Variants in MYO3A observed in about 807,000 individuals in gnomAD.
The protein encoded by MYO3A is myosin-IIIa.
Under a neutral mutation model 192.7 loss-of-function variants are expected in MYO3A, and 180 were observed. The ratio of observed to expected loss-of-function variants is 0.93; its 90% CI spans 0.83 to 1.06. The LOEUF is 1.06. Ranked by LOEUF, MYO3A falls within the 50% of genes least tolerant of loss-of-function variation. The pLI is 0.00. For synonymous variants in MYO3A, 628 were observed against 645.3 expected (o/e 0.97, Z 0.41); for missense variants, 1,896 against 1,905.0 (o/e 1.00, Z 0.09).
intron 26 of MYO3A, among the ~76,000 whole-genome samples, chr10:26,161,929 A>G (rs1841504676): frequency 6.6e-6 from 1 of 152,132 alleles, no homozygotes; most frequent in African/African-American, 2.4e-5. Flanking sequence ...TAGTTGAGGG[A>G]CCCACTGTGT....
chr10:26,201,627 C>T (rs11014995), intron 33 of MYO3A, among the ~76,000 whole-genome samples: 32 of 150,650 alleles, frequency 2.1e-4, no homozygotes, highest in Non-Finnish European at 3.7e-4. Flanking sequence ...CGGAGCTTGC[C>T]GTGAGCCGAG....
intron 20 of MYO3A, among the ~76,000 whole-genome samples, chr10:26,138,880 G>A (rs1030529624): frequency 2.0e-5 from 3 of 152,202 alleles, no homozygotes; most frequent in African/African-American, 4.8e-5. Flanking sequence ...CACACAGAAG[G>A]AAATGGGAAA....
chr10:26,069,544 A>G (rs79427767), intron 12 of MYO3A, among the ~76,000 whole-genome samples: 1,671 of 152,184 alleles, frequency 0.011, 38 homozygotes, highest in African/African-American at 0.038. Context: ...TGTGAAAAGT[A>G]CATATCTCTG....
chr10:25,952,373 G>C, intron 3 of MYO3A, 95 bp downstream of exon 3: 1 of 1,328,594 alleles, frequency 7.5e-7, no homozygotes, highest in East Asian at 2.5e-5. Flanking sequence ...CATCACAATA[G>C]CAGTCTAAAA....
chr10:26,195,826 G>A (rs1054140121), intron 32 of MYO3A, among the ~76,000 whole-genome samples: 1 of 152,044 alleles, frequency 6.6e-6, no homozygotes, highest in Non-Finnish European at 1.5e-5. Flanking sequence ...ATATCCTCCC[G>A]AAGAAGCCCA....
At chr10:26,043,565 C>T (rs60781504) in intron 10 of MYO3A, among the ~76,000 whole-genome samples, 24,723 of 152,132 alleles carry the variant, frequency 0.16, 2,302 homozygotes, top group Non-Finnish European at 0.21. Context: ...CCCCTTTCCA[C>T]AGGCAGAGGA....
chr10:25,971,478 A>G (rs1838641461), intron 4 of MYO3A, among the ~76,000 whole-genome samples: 3 of 147,078 alleles, frequency 2.0e-5, no homozygotes, highest in African/African-American at 7.5e-5. Context: ...TCACTATGTG[A>G]GATCACTTAC....
chr10:26,197,592 C>T (rs1843474780), intron 32 of MYO3A, among the ~76,000 whole-genome samples: 1 of 152,138 alleles, frequency 6.6e-6, no homozygotes, highest in African/African-American at 2.4e-5. Context: ...GAGACAGAGT[C>T]TCACTTTGTT....
chr10:26,007,990 A>C (rs1841350360), intron 6 of MYO3A, among the ~76,000 whole-genome samples: 1 of 151,620 alleles, frequency 6.6e-6, no homozygotes, highest in African/African-American at 2.4e-5. Flanking sequence ...CTATACTACA[A>C]GGCTACAGTA....
intron 4 of MYO3A, among the ~76,000 whole-genome samples, chr10:25,962,097 A>G (rs1837968989): frequency 1.3e-5 from 2 of 152,172 alleles, no homozygotes; most frequent in Admixed American, 1.3e-4. Context: ...GCTTTTCACA[A>G]CGAAAAATCA....
intron 14 of MYO3A, among the ~76,000 whole-genome samples, chr10:26,076,944 G>T (rs144279211): frequency 1.3e-5 from 2 of 151,942 alleles, no homozygotes; most frequent in Non-Finnish European, 2.9e-5. Flanking sequence ...CTCAAGATTC[G>T]TTCCTTTTGC....
In MYO3A at chr10:26,124,868, T is replaced by TGTACATGAATGTCAAGTATAA. The variant is rs936548556; in HGVS notation, c.1904-513_1904-493dup. Among the ~76,000 whole-genome samples, 8 of 152,350 alleles carry TGTACATGAATGTCAAGTATAA rather than the reference T, an allele frequency of 5.3e-5. No homozygotes were observed. The South Asian group carries it at 1.2e-3, about 24-fold the overall frequency. ...TATGAAACTAAAAAGTAGGATGATATGTACATGAATGTCAAGTATAAGTAC... is the reference window on the plus strand; with the variant it reads ...TATGAAACTAAAAAGTAGGATGATATGTACATGAATGTCAAGTATAAGTACATGAATGTCAAGTATAAGTAC... On this transcript the variant is annotated intron_variant, in intron 18 of 34. Transcript: ENST00000642920.
chr10:26,051,268 A>G (rs111550441), intron 10 of MYO3A, among the ~76,000 whole-genome samples: 1,737 of 152,290 alleles, frequency 0.011, 39 homozygotes, highest in African/African-American at 0.039. Flanking sequence ...AAAAGCTTAT[A>G]ATGCCAGAAG....
rs567422421 is a variant in MYO3A at position 26,202,995 on chromosome 10, T to G, written c.4618T>G (p.Tyr1540Asp). The G allele has an allele frequency of 7.4e-6, 12 of 1,613,818 alleles. No individual in the cohort carries two copies. In the African/African-American group the frequency reaches 1.6e-4, roughly 22 times the overall value. Residue 1540 changes from tyrosine (Y) to aspartate (D), a missense_variant, in exon 34 of 35, where the codon TAT becomes GAT. By Grantham distance (160) the Tyr-to-Asp change is radical. Coordinates refer to ENST00000642920, the MANE Select transcript of MYO3A (RefSeq NM_017433.5). ...QGKLLDLEDF[Y>D]YKEFLPSRSG... ...AAAATTATTAGATTTGGAAGATTTC[T>G]ATTATAAGGAATTTTTGCCCAGTCG...
chr10:26,006,433 A>G (rs1230976298), intron 6 of MYO3A, among the ~76,000 whole-genome samples: 3 of 152,198 alleles, frequency 2.0e-5, no homozygotes, highest in African/African-American at 7.2e-5. Flanking sequence ...AAAACTAATG[A>G]ATCCAGGAGC....
At chr10:25,995,864 G>A (rs950761708) in intron 4 of MYO3A, among the ~76,000 whole-genome samples, 4 of 152,216 alleles carry the variant, frequency 2.6e-5, no homozygotes, top group Non-Finnish European at 2.9e-5. Flanking sequence ...TCCTCTGGAG[G>A]TTTTGTCTCA....
At chr10:26,104,028 T>C (rs1837635065) in intron 17 of MYO3A, among the ~76,000 whole-genome samples, 1 of 152,158 alleles carries the variant, frequency 6.6e-6, no homozygotes, top group African/African-American at 2.4e-5. Context: ...GCATATTTTC[T>C]AATTGGGTTA....
intron 2 of MYO3A, among the ~76,000 whole-genome samples, chr10:25,939,770 T>C (rs1836354062): frequency 6.6e-6 from 1 of 152,042 alleles, no homozygotes; most frequent in African/African-American, 2.4e-5. Flanking sequence ...GTTCAAATTT[T>C]ATTTATCCTT....
At chr10:25,954,618 T>A (rs879393665) in intron 3 of MYO3A, among the ~76,000 whole-genome samples, 17 of 152,052 alleles carry the variant, frequency 1.1e-4, no homozygotes, top group Admixed American at 1.1e-3. Flanking sequence ...TAATTGCAAA[T>A]AAAAATAACA....
Sources: gnomAD v4.1 joint callset for allele counts (sites outside exome capture counted in the v4.1 genomes callset) on GRCh38, gnomAD v4.1.1 for gene constraint, MANE v1.5 for transcripts, NCBI Gene and HGNC (gene_info 2026-07-23, HGNC 2026-07-21) for gene names.